The following PRDM5 variants were observed in gnomAD, a reference collection of about 807,000 sequenced individuals.
The protein encoded by PRDM5 is PR/SET domain 5.
A neutral mutation model predicts 81.2 loss-of-function variants in PRDM5; 56 were observed. The ratio of observed to expected loss-of-function variants is 0.69; its 90% CI spans 0.56 to 0.86. PRDM5 has a LOEUF of 0.86. Ranked by LOEUF, PRDM5 falls within the 40% of genes least tolerant of loss-of-function variation. The pLI is 0.00. For missense variants in PRDM5, 697 were observed against 770.1 expected (o/e 0.91, Z 1.12); for synonymous variants, 267 against 256.4 (o/e 1.04, Z -0.39).
intron 10 of PRDM5, among the ~76,000 whole-genome samples, chr4:120,796,770 C>T (rs1366375154): frequency 2.0e-5 from 3 of 151,984 alleles, no homozygotes; most frequent in Non-Finnish European, 4.4e-5. Context: ...AAATTGGTAT[C>T]ATAATTTTTA....
chr4:120,795,928 T>C (rs1236654317), intron 10 of PRDM5, among the ~76,000 whole-genome samples: 1 of 152,058 alleles, frequency 6.6e-6, no homozygotes, highest in Non-Finnish European at 1.5e-5. Context: ...ATAAAAATAA[T>C]TTCTGTATAT....
chr4:120,896,612 AGTCT>A (rs1254793379), intron 2 of PRDM5: 3 of 151,618 alleles, frequency 2.0e-5, no homozygotes, highest in Admixed American at 6.6e-5. Context: ...TTGTTTGTAA[AGTCT>A]GTCTATTTCA....
chr4:120,827,352 T>C (rs1363351346), intron 3 of PRDM5, among the ~76,000 whole-genome samples: 2 of 151,934 alleles, frequency 1.3e-5, no homozygotes, highest in Non-Finnish European at 2.9e-5. Context: ...GATAAACAAA[T>C]CCAGAAAAAA....
intron 14 of PRDM5, among the ~76,000 whole-genome samples, chr4:120,739,930 A>C (rs1217338029): frequency 1.3e-5 from 2 of 152,146 alleles, no homozygotes; most frequent in Non-Finnish European, 2.9e-5. Context: ...ATTTTCACAA[A>C]GGAGAAATGA....
At chr4:120,801,305 C>T (rs1047545233) in intron 8 of PRDM5, among the ~76,000 whole-genome samples, 1 of 152,190 alleles carries the variant, frequency 6.6e-6, no homozygotes, top group African/African-American at 2.4e-5. Context: ...GTGGAGGACT[C>T]GGCTGGCCCC....
chr4:120,686,545 T>C (rs1486787339), intron 1 of PRDM5, among the ~76,000 whole-genome samples: 2 of 152,082 alleles, frequency 1.3e-5, no homozygotes, highest in Non-Finnish European at 2.9e-5. Flanking sequence ...TCCTCAGACA[T>C]TTGTGCATTT....
At chr4:120,729,507 A>G (rs910887548) in intron 14 of PRDM5, among the ~76,000 whole-genome samples, 6 of 152,262 alleles carry the variant, frequency 3.9e-5, no homozygotes, top group African/African-American at 1.4e-4. Flanking sequence ...TTGCCATGTG[A>G]CCTACTGTGA....
Position 120,825,849 on chromosome 4 carries a change from A to T in PRDM5, c.301-4504T>A, listed in dbSNP as rs139571608. On this transcript the variant is annotated intron_variant, in intron 3 of 15. Coordinates refer to ENST00000264808, the MANE Select transcript of PRDM5 (RefSeq NM_018699.4). ...TGGTTTGGACCTCAGATACCAATCA[A>T]TTGTCTGAACCATACCCAAGGTGTC... Among the ~76,000 whole-genome samples the T allele has an allele frequency of 3.0e-4, 44 of 149,004 alleles. No homozygotes were observed. The East Asian group carries it at 5.4e-3, about 18-fold the overall frequency.
intron 3 of PRDM5, among the ~76,000 whole-genome samples, chr4:120,849,957 T>C (rs1469661335): frequency 6.6e-6 from 1 of 152,130 alleles, no homozygotes; most frequent in African/African-American, 2.4e-5. Flanking sequence ...AAAGTGTGCA[T>C]GTGGGAAGAA....
chr4:120,744,925 AT>A (rs1441970404), intron 14 of PRDM5, among the ~76,000 whole-genome samples: 1 of 118,214 alleles, frequency 8.5e-6, no homozygotes, highest in Non-Finnish European at 1.7e-5. Context: ...TCCCTAACTC[AT>A]TTTATAAGGC....
chr4:120,819,611 G>T (rs1755001174), intron 4 of PRDM5, among the ~76,000 whole-genome samples: 1 of 152,100 alleles, frequency 6.6e-6, no homozygotes, highest in Admixed American at 6.5e-5. Context: ...AGTTTCTGTT[G>T]ATTCTTTTTA....
At chr4:120,836,394 A>ATT (rs555529673) in intron 3 of PRDM5, among the ~76,000 whole-genome samples, 237 of 152,314 alleles carry the variant, frequency 1.6e-3, no homozygotes, top group African/African-American at 5.4e-3. Flanking sequence ...AACAAAGGCT[A>ATT]TTACATCTCT....
rs554372074 is a variant in PRDM5, at chr4:120,771,365, T to C, written c.1537+5823A>G. Among the ~76,000 whole-genome samples, 139 of 152,266 alleles carry C rather than the reference T, an allele frequency of 9.1e-4. 1 individual carries two copies. Among genetic ancestry groups the C allele is most frequent in the Non-Finnish European group, 1.5e-3 (102 of 68,002 alleles). On this transcript the variant is annotated intron_variant, in intron 13 of 15. Transcript: ENST00000264808. ...GCGTATTTTGGAGGTTACTATGATT[T>C]AATTTCAAGGAAAAAATTGGTGGGA...
At chr4:120,818,242 G>T in intron 5 of PRDM5, 111 bp downstream of exon 5, 2 of 1,124,860 alleles carry the variant, frequency 1.8e-6, no homozygotes, top group Non-Finnish European at 2.6e-6. Flanking sequence ...CACAAAACAT[G>T]CGCGTGCGCG....
At chr4:120,748,614 C>A (rs1045046593) in intron 14 of PRDM5, among the ~76,000 whole-genome samples, 2 of 151,492 alleles carry the variant, frequency 1.3e-5, no homozygotes, top group African/African-American at 4.9e-5. Flanking sequence ...ACACTCCAGT[C>A]TGGGCAGCAG....
At chr4:120,771,800 G>T (rs1747337333) in intron 13 of PRDM5, among the ~76,000 whole-genome samples, 1 of 152,136 alleles carries the variant, frequency 6.6e-6, no homozygotes, top group Non-Finnish European at 1.5e-5. Context: ...TTCAGTAAAG[G>T]CTTGCCACGG....
chr4:120,699,181 T>C (rs1430265816), intron 15 of PRDM5, among the ~76,000 whole-genome samples: 1 of 113,014 alleles, frequency 8.8e-6, no homozygotes, highest in South Asian at 2.8e-4. Flanking sequence ...TATATATATA[T>C]ATATATATAT....
intron 1 of PRDM5, among the ~76,000 whole-genome samples, chr4:120,920,407 A>C (rs1018771667): frequency 6.6e-6 from 1 of 152,238 alleles, no homozygotes; most frequent in African/African-American, 2.4e-5. Flanking sequence ...AGCTGCTGAT[A>C]AATCTCTCTT....
Position 120,904,274 on chromosome 4 carries a change from A to T in PRDM5, c.177+3200T>A, listed in dbSNP as rs150745213. ...GTCTTTATTAGCAGCATGACAACAG[A>T]CTAATACAATGGCTGACAATCCGAA... On this transcript the variant is annotated intron_variant, in intron 2 of 15. Transcript: ENST00000264808. 3.0e-4 allele frequency among the ~76,000 whole-genome samples: 45 copies of T among 151,076 alleles called. No individual in the cohort carries two copies. In the East Asian group the frequency reaches 5.9e-3, roughly 20 times the overall value.
Sources: allele counts gnomAD v4.1 joint callset (sites outside exome capture counted in the v4.1 genomes callset), GRCh38; gene constraint gnomAD v4.1.1; transcripts MANE v1.5; gene names NCBI Gene and HGNC (gene_info 2026-07-23, HGNC 2026-07-21).